The following FTCDNL1 variants were observed in gnomAD, a reference collection of about 807,000 sequenced individuals.
FTCDNL1 encodes formiminotransferase cyclodeaminase N-terminal like.
In FTCDNL1, 11 loss-of-function variants were observed where a neutral mutation model predicts 5.9. The observed-to-expected ratio is 1.87, with a 90% CI of 1.18 to 3.10. The LOEUF (loss-of-function observed/expected upper bound fraction) is 3.10, where lower values mean the gene tolerates loss of function less well. Among genes scored for constraint, FTCDNL1 ranks in the 30% most tolerant of loss-of-function variants. FTCDNL1 has a pLI of 0.00. For synonymous variants in FTCDNL1, 58 were observed against 24.8 expected (o/e 2.34, Z -3.99); for missense variants, 115 against 65.5 (o/e 1.76, Z -2.61).
chr2:199,819,831 T>G, intron 3 of FTCDNL1, 74 bp from the exon 4 acceptor site: 1 of 648,056 alleles, frequency 1.5e-6, no homozygotes, highest in Non-Finnish European at 2.8e-6. Flanking sequence ...ATATAATTTT[T>G]TTGCTGTGGT....
rs544556383 is a variant in FTCDNL1, at chr2:199,835,363, A to T, written c.211+10712T>A. ...ATGTTTAGGTAATTAAAATTGGAGA[A>T]TGAATTATTCAACCTATGTAACTTT... is the stretch of plus-strand genomic sequence containing the variant. On this transcript the variant is annotated intron_variant, in intron 3 of 4. Coordinates refer to ENST00000420128, the MANE Select transcript of FTCDNL1 (RefSeq NM_001363886.2). Among the ~76,000 whole-genome samples the T allele has an allele frequency of 9.3e-4, 142 of 152,308 alleles. 3 individuals are homozygous for T. In the South Asian group the frequency reaches 0.029, roughly 31 times the overall value.
chr2:199,711,984 G>A, the FTCDNL1 span, among the ~76,000 whole-genome samples: 1 of 152,110 alleles, frequency 6.6e-6, no homozygotes, highest in Non-Finnish European at 1.5e-5. Context: ...CCAGAAGCCA[G>A]ACAGTAAGAT....
chr2:199,734,400 T>C, the FTCDNL1 span, among the ~76,000 whole-genome samples: 1 of 152,220 alleles, frequency 6.6e-6, no homozygotes. Context: ...GGATTTCAAA[T>C]GAATCAATTT....
chr2:199,762,718 G>A (rs12619654), intron 3 of FTCDNL1, among the ~76,000 whole-genome samples: 4,212 of 152,094 alleles, frequency 0.028, 101 homozygotes, highest in East Asian at 0.14. Context: ...TCTGTACAAC[G>A]GCAATAAGAA....
rs1409451700 is a variant in FTCDNL1, at chr2:199,810,089, A to C, written c.*2616T>G. On this transcript the variant is annotated 3_prime_UTR_variant, in exon 5 of 5. Transcript: ENST00000420128. ...CTTTCCAAAATACCAACAGAGAAAG[A>C]AAAGCACGGTTAAGAGCTAAGCGTC... Among the ~76,000 whole-genome samples the C allele has an allele frequency of 6.6e-6, 1 of 152,154 alleles. No homozygotes were observed. The highest frequency in any genetic ancestry group is 1.9e-4 in the East Asian group (1 of 5,190).
chr2:199,735,115 GAAAAAAAAAA>G, the FTCDNL1 span, among the ~76,000 whole-genome samples: 3 of 81,600 alleles, frequency 3.7e-5, no homozygotes, highest in African/African-American at 9.4e-5. Flanking sequence ...ACTACCTTTA[GAAAAAAAAAA>G]AAAAAAAAAA....
chr2:199,694,322 A>T, the FTCDNL1 span, among the ~76,000 whole-genome samples: 1 of 152,166 alleles, frequency 6.6e-6, no homozygotes, highest in African/African-American at 2.4e-5. Context: ...ACAAGTGCAG[A>T]TATTTCAGAT....
chr2:199,703,202 C>A, the FTCDNL1 span, among the ~76,000 whole-genome samples: 1 of 151,760 alleles, frequency 6.6e-6, no homozygotes, highest in African/African-American at 2.4e-5. Flanking sequence ...CTATCCCTCC[C>A]CCCTGCCCCC....
At chr2:199,707,398 T>C in the FTCDNL1 span, among the ~76,000 whole-genome samples, 1 of 152,044 alleles carries the variant, frequency 6.6e-6, no homozygotes, top group Non-Finnish European at 1.5e-5. Context: ...TTGAATAATC[T>C]TTACAATTTG....
intron 3 of FTCDNL1, among the ~76,000 whole-genome samples, chr2:199,843,173 A>AT (rs981411533): frequency 5.3e-5 from 8 of 151,970 alleles, no homozygotes; most frequent in Non-Finnish European, 8.8e-5. Context: ...CCATGTTTAA[A>AT]TCATGAGGTA....
At chr2:199,717,630 C>A in the FTCDNL1 span, among the ~76,000 whole-genome samples, 1 of 148,676 alleles carries the variant, frequency 6.7e-6, no homozygotes, top group Non-Finnish European at 1.5e-5. Flanking sequence ...TTCATAAAAG[C>A]CCCTCTCCAT....
the FTCDNL1 span, among the ~76,000 whole-genome samples, chr2:199,719,258 G>A: frequency 6.6e-6 from 1 of 152,024 alleles, no homozygotes; most frequent in African/African-American, 2.4e-5. Context: ...TTCTGCATAT[G>A]GCAATCCAAT....
chr2:199,848,373 T>C (rs2076785273), intron 2 of FTCDNL1, among the ~76,000 whole-genome samples: 1 of 152,224 alleles, frequency 6.6e-6, no homozygotes, highest in African/African-American at 2.4e-5. Flanking sequence ...ATAATAATAC[T>C]GTAATGATTG....
intron 3 of FTCDNL1, among the ~76,000 whole-genome samples, chr2:199,843,437 C>T (rs1003990895): frequency 1.3e-5 from 2 of 152,140 alleles, no homozygotes; most frequent in African/African-American, 2.4e-5. Context: ...TTCCCCACCC[C>T]CCCATGCTGA....
chr2:199,849,008 G>C, intron 1 of FTCDNL1, 39 bp from the exon 2 acceptor site: 1 of 679,032 alleles, frequency 1.5e-6, no homozygotes, highest in Non-Finnish European at 2.7e-6. Context: ...CTCTAGAGTT[G>C]ATTCATATTT....
chr2:199,744,788 C>A, the FTCDNL1 span, among the ~76,000 whole-genome samples: 2 of 152,184 alleles, frequency 1.3e-5, no homozygotes, highest in Non-Finnish European at 2.9e-5. Context: ...TTTCTAATTT[C>A]TCCTCATATT....
the FTCDNL1 span, among the ~76,000 whole-genome samples, chr2:199,702,898 G>C: frequency 6.6e-6 from 1 of 152,078 alleles, no homozygotes; most frequent in East Asian, 1.9e-4. Context: ...ACGACCCTGA[G>C]GTGAGACCAA....
chr2:199,770,428 C>G (rs1300227637), intron 3 of FTCDNL1, among the ~76,000 whole-genome samples: 1 of 152,136 alleles, frequency 6.6e-6, no homozygotes. Flanking sequence ...GGCTCAAAGC[C>G]AGAATATTTT....
At chr2:199,829,915 A>G (rs1324087682) in intron 3 of FTCDNL1, among the ~76,000 whole-genome samples, 3 of 152,224 alleles carry the variant, frequency 2.0e-5, no homozygotes, top group African/African-American at 4.8e-5. Flanking sequence ...GCATAAATGC[A>G]TGGTTCATTA....
Sources: allele counts gnomAD v4.1 joint callset (sites outside exome capture counted in the v4.1 genomes callset), GRCh38; gene constraint gnomAD v4.1.1; transcripts MANE v1.5; gene names NCBI Gene and HGNC (gene_info 2026-07-23, HGNC 2026-07-21).